THSD7A: variants seen among roughly 807,000 people sequenced by gnomAD.
The protein encoded by THSD7A is thrombospondin type-1 domain-containing protein 7A.
THSD7A carries 96 observed loss-of-function variants against 231.3 expected under a neutral mutation model. That is an observed-to-expected ratio of 0.41 (90% confidence interval 0.35 to 0.49). The LOEUF (loss-of-function observed/expected upper bound fraction) is 0.49, where lower values mean the gene tolerates loss of function less well. Ranked by LOEUF, THSD7A falls within the 20% of genes least tolerant of loss-of-function variation. THSD7A has a pLI of 0.05. For missense variants in THSD7A, 2,290 were observed against 2,070.2 expected (o/e 1.11, Z -2.06); for synonymous variants, 940 against 743.3 (o/e 1.26, Z -4.30).
intron 2 of THSD7A, among the ~76,000 whole-genome samples, chr7:11,602,156 C>A (rs1023243578): frequency 6.6e-5 from 10 of 152,004 alleles, no homozygotes; most frequent in African/African-American, 1.9e-4. Flanking sequence ...ATGGAAAAGA[C>A]AAACCAGATA....
chr7:11,506,910 A>G (rs1378327474), intron 6 of THSD7A, among the ~76,000 whole-genome samples: 1 of 152,002 alleles, frequency 6.6e-6, no homozygotes, highest in Non-Finnish European at 1.5e-5. Flanking sequence ...CACAATTTTG[A>G]TATGTTGATC....
At position 11,373,780 on chromosome 7, in the gene THSD7A, A is replaced by G. The variant is rs1185587282; in HGVS notation, c.*2014T>C. On this transcript the variant is annotated 3_prime_UTR_variant, in exon 28 of 28. Coordinates refer to ENST00000423059, the MANE Select transcript of THSD7A (RefSeq NM_015204.3). Reference sequence around the variant, plus strand: ...TGAAGGTAAAAATACCTTCTAATCCAAAACACTTTTACAGGAACACAGCTG... The same window carrying G: ...TGAAGGTAAAAATACCTTCTAATCCGAAACACTTTTACAGGAACACAGCTG... 6.6e-6 allele frequency: 1 copy of G among 152,124 alleles called. No homozygotes were observed. The highest frequency in any genetic ancestry group is 2.4e-5 in the African/African-American group (1 of 41,456). The allele number at this position is 152,124 out of a possible 1,614,324, so 9.4% of individuals were successfully genotyped here.
intron 11 of THSD7A, among the ~76,000 whole-genome samples, chr7:11,460,389 T>G (rs1245453942): frequency 6.6e-6 from 1 of 152,146 alleles, no homozygotes; most frequent in Admixed American, 6.6e-5. Flanking sequence ...AAAGCTTCAG[T>G]GTACCATTTA....
At chr7:11,438,983 T>C (rs1784719161) in intron 13 of THSD7A, among the ~76,000 whole-genome samples, 1 of 152,046 alleles carries the variant, frequency 6.6e-6, no homozygotes, top group African/African-American at 2.4e-5. Context: ...CTTTGCAATT[T>C]TAATAATTTT....
chr7:11,429,700 A>G (rs1784421978), intron 13 of THSD7A, among the ~76,000 whole-genome samples: 1 of 152,212 alleles, frequency 6.6e-6, no homozygotes, highest in South Asian at 2.1e-4. Context: ...GCATCTTCAC[A>G]TCTTATATCC....
At chr7:11,378,989 G>A (rs1782394301) in intron 26 of THSD7A, 81 bp downstream of exon 26, 1 of 1,330,462 alleles carries the variant, frequency 7.5e-7, no homozygotes, top group Non-Finnish European at 1.1e-6. Flanking sequence ...ATATAAAAAT[G>A]CTTTGCTCAC....
At chr7:11,390,563 C>T (rs951273689) in intron 23 of THSD7A, among the ~76,000 whole-genome samples, 3 of 152,168 alleles carry the variant, frequency 2.0e-5, no homozygotes, top group Admixed American at 6.5e-5. Flanking sequence ...TCTTTTAGCT[C>T]AGAGGAGTTC....
intron 1 of THSD7A, among the ~76,000 whole-genome samples, chr7:11,772,930 G>A (rs955965841): frequency 3.9e-5 from 6 of 152,082 alleles, no homozygotes; most frequent in Admixed American, 6.5e-5. Flanking sequence ...AATTTCAAAC[G>A]TGGGCAGCAA....
intron 13 of THSD7A, among the ~76,000 whole-genome samples, chr7:11,433,897 A>G (rs1421009334): frequency 2.0e-5 from 3 of 152,088 alleles, no homozygotes; most frequent in Non-Finnish European, 2.9e-5. Context: ...ACATCTCTCA[A>G]ATAAAATGCA....
intron 1 of THSD7A, among the ~76,000 whole-genome samples, chr7:11,698,965 G>C (rs1338069718): frequency 1.9e-5 from 2 of 104,440 alleles, no homozygotes; most frequent in African/African-American, 8.1e-5. Flanking sequence ...GCCTTGAAAT[G>C]TCACTGATTT....
intron 1 of THSD7A, among the ~76,000 whole-genome samples, chr7:11,652,755 T>C (rs1166910806): frequency 1.3e-5 from 2 of 151,990 alleles, no homozygotes; most frequent in Non-Finnish European, 2.9e-5. Flanking sequence ...AAACTCCATG[T>C]GTCTAAAGAA....
intron 1 of THSD7A, among the ~76,000 whole-genome samples, chr7:11,785,782 C>G (rs544307130): frequency 6.6e-6 from 1 of 152,100 alleles, no homozygotes; most frequent in Admixed American, 6.6e-5. Context: ...TTGAAAATAT[C>G]CTACCCTCAA....
At chr7:11,791,451 T>G (rs1173071487) in intron 1 of THSD7A, among the ~76,000 whole-genome samples, 1 of 152,024 alleles carries the variant, frequency 6.6e-6, no homozygotes, top group Non-Finnish European at 1.5e-5. Context: ...TCAAATATAT[T>G]TATCCTTTGT....
chr7:11,543,583 C>T (rs904881587), intron 4 of THSD7A, among the ~76,000 whole-genome samples: 6 of 152,064 alleles, frequency 3.9e-5, no homozygotes, highest in African/African-American at 7.2e-5. Flanking sequence ...TTTGGTTCAC[C>T]GGGATTGAGA....
chr7:11,766,365 G>T (rs1466736245), intron 1 of THSD7A, among the ~76,000 whole-genome samples: 1 of 152,094 alleles, frequency 6.6e-6, no homozygotes, highest in Admixed American at 6.6e-5. Context: ...CATCTAACTA[G>T]AATTTTGCAA....
chr7:11,506,362 T>C (rs1011342461), intron 6 of THSD7A, among the ~76,000 whole-genome samples: 4 of 152,176 alleles, frequency 2.6e-5, no homozygotes, highest in African/African-American at 9.6e-5. Flanking sequence ...TCACCACTAA[T>C]TATAAGAACT....
intron 1 of THSD7A, among the ~76,000 whole-genome samples, chr7:11,655,173 G>A (rs181818753): frequency 2.6e-4 from 39 of 151,866 alleles, no homozygotes; most frequent in African/African-American, 8.0e-4. Context: ...TTCTTAAACT[G>A]TTTTTGTAAA....
intron 2 of THSD7A, among the ~76,000 whole-genome samples, chr7:11,614,397 A>G (rs534098037): frequency 1.4e-4 from 21 of 152,268 alleles, no homozygotes; most frequent in African/African-American, 5.1e-4. Flanking sequence ...ACTTATTTGG[A>G]TGTGGTGATT....
chr7:11,607,135 T>C (rs912956114), intron 2 of THSD7A, among the ~76,000 whole-genome samples: 3 of 152,134 alleles, frequency 2.0e-5, no homozygotes, highest in African/African-American at 7.2e-5. Flanking sequence ...TATGCTTTCA[T>C]GTAAAAAGAT....
Sources: allele counts gnomAD v4.1 joint callset (sites outside exome capture counted in the v4.1 genomes callset), GRCh38; gene constraint gnomAD v4.1.1; transcripts MANE v1.5; gene names NCBI Gene and HGNC (gene_info 2026-07-23, HGNC 2026-07-21).